Variants in GLI3 observed in about 807,000 individuals in gnomAD.
The protein encoded by GLI3 is GLI family zinc finger 3.
GLI3 carries 20 observed loss-of-function variants against 100.8 expected under a neutral mutation model. That is an observed-to-expected ratio of 0.20 (90% CI 0.14 to 0.29). The LOEUF (loss-of-function observed/expected upper bound fraction) is 0.29, where lower values mean the gene tolerates loss of function less well. GLI3 is among the 10% of genes least tolerant of loss of function. The pLI is 1.00. For synonymous variants in GLI3, 938 were observed against 860.5 expected (o/e 1.09, Z -1.58); for missense variants, 2,040 against 2,128.5 (o/e 0.96, Z 0.82).
chr7:42,105,289 TTC>T (rs1462825119), intron 3 of GLI3, among the ~76,000 whole-genome samples: 6 of 152,322 alleles, frequency 3.9e-5, no homozygotes, highest in Admixed American at 2.6e-4. Flanking sequence ...TTCTTTTTTT[TTC>T]TGTTTCATAA....
rs570871732 is a variant in GLI3, at chr7:41,971,397, G to T, written c.2103+940C>A. On this transcript the variant is annotated intron_variant, in intron 13 of 14. Coordinates refer to ENST00000395925, the MANE Select transcript of GLI3 (RefSeq NM_000168.6). The stretch of plus-strand genomic sequence containing the variant: ...ATTTGCACAATTAAATCCATTCTAC[G>T]CATGGCCAGATGGGCTGAATCTCCT... 6.6e-5 allele frequency among the ~76,000 whole-genome samples: 10 copies of T among 152,168 alleles called. No individual in the cohort carries two copies. In the East Asian group the frequency reaches 1.9e-3, roughly 29 times the overall value.
chr7:42,014,157 G>T (rs1788693524), intron 10 of GLI3, among the ~76,000 whole-genome samples: 1 of 152,136 alleles, frequency 6.6e-6, no homozygotes, highest in Non-Finnish European at 1.5e-5. Context: ...GCAAGGCTCA[G>T]CCCCATCTTT....
upstream of GLI3, among the ~76,000 whole-genome samples, chr7:42,237,260 C>G (rs1298867378): frequency 2.6e-5 from 4 of 151,808 alleles, no homozygotes; most frequent in African/African-American, 7.2e-5. Context: ...GCTCGTGCAG[C>G]TCCGGCATCA....
chr7:42,200,868 C>T (rs905774546), intron 2 of GLI3, among the ~76,000 whole-genome samples: 3 of 152,012 alleles, frequency 2.0e-5, no homozygotes, highest in African/African-American at 7.2e-5. Flanking sequence ...AAACACAGGA[C>T]AGACTGAAAT....
upstream of GLI3, among the ~76,000 whole-genome samples, chr7:42,240,768 C>G (rs1788916474): frequency 6.6e-6 from 1 of 152,166 alleles, no homozygotes; most frequent in South Asian, 2.1e-4. Flanking sequence ...ACATTTTCTT[C>G]TGGGGGACAT....
In GLI3 at chr7:42,251,953, A is replaced by G. The variant is rs531893864; in HGVS notation, c.-43+12041T>C. On this transcript the variant is annotated intron_variant, in intron 1 of 2. Coordinates refer to the GLI3 transcript ENST00000678978. ...ATCAAAAAATGAACACACTCTGACA[A>G]TTCCTCAAAGAACTGAAAACGGAAC... 5.8e-4 allele frequency among the ~76,000 whole-genome samples: 89 copies of G among 152,220 alleles called. 1 individual carries two copies. Among genetic ancestry groups the G allele is most frequent in the Admixed American group, 4.7e-3 (72 of 15,294 alleles).
chr7:42,104,097 C>G (rs1229543554), intron 3 of GLI3, among the ~76,000 whole-genome samples: 1 of 152,060 alleles, frequency 6.6e-6, no homozygotes, highest in Non-Finnish European at 1.5e-5. Context: ...AGCATACTTA[C>G]GGTCTCCACT....
At position 42,029,188 on chromosome 7, in the gene GLI3, T is replaced by A. The variant is rs1039218422; in HGVS notation, c.1029-2776A>T. On this transcript the variant is annotated intron_variant, in intron 7 of 14. Transcript: ENST00000395925. The stretch of plus-strand genomic sequence containing the variant: ...ACAGCTTGTCTGGACCCAGAAGGGC[T>A]GGCCCTCGACCTTCTGCTGCTGCTC... 1.3e-5 allele frequency among the ~76,000 whole-genome samples: 2 copies of A among 152,238 alleles called. 1 individual carries two copies. Among genetic ancestry groups the A allele is most frequent in the South Asian group, 4.1e-4 (2 of 4,834 alleles).
intron 3 of GLI3, among the ~76,000 whole-genome samples, chr7:42,144,862 T>G (rs1385123077): frequency 2.6e-5 from 4 of 151,064 alleles, no homozygotes. Flanking sequence ...ATTAGAGGAG[T>G]CTTTTCTTTT....
At chr7:42,116,980 G>T (rs1785875598) in intron 3 of GLI3, among the ~76,000 whole-genome samples, 1 of 152,150 alleles carries the variant, frequency 6.6e-6, no homozygotes, top group South Asian at 2.1e-4. Flanking sequence ...TATCACTTGT[G>T]AACTAAACAG....
chr7:42,010,867 G>C (rs1484959466), intron 10 of GLI3, among the ~76,000 whole-genome samples: 1 of 152,130 alleles, frequency 6.6e-6, no homozygotes, highest in Non-Finnish European at 1.5e-5. Flanking sequence ...CCTCCTTGTA[G>C]TTGGTTAGGT....
intron 3 of GLI3, among the ~76,000 whole-genome samples, chr7:42,135,229 A>G (rs2128779594): frequency 6.6e-6 from 1 of 152,338 alleles, no homozygotes; most frequent in South Asian, 2.1e-4. Context: ...ATGTTGGGGA[A>G]CCAGTAAAAA....
chr7:42,055,520 G>T (rs991320727), intron 4 of GLI3, among the ~76,000 whole-genome samples: 1 of 152,098 alleles, frequency 6.6e-6, no homozygotes, highest in African/African-American at 2.4e-5. Flanking sequence ...GCTCCCCCAA[G>T]GCCACTGTTC....
chr7:42,234,820 G>A (rs1406425170), intron 1 of GLI3, among the ~76,000 whole-genome samples: 4 of 152,132 alleles, frequency 2.6e-5, no homozygotes, highest in African/African-American at 7.2e-5. Context: ...CCCCTTAGGC[G>A]GGGAGTTTCT....
intron 2 of GLI3, among the ~76,000 whole-genome samples, chr7:42,186,894 A>G (rs971152830): frequency 6.6e-6 from 1 of 152,202 alleles, no homozygotes; most frequent in African/African-American, 2.4e-5. Flanking sequence ...CATCTAGAAT[A>G]AACCTGACAA....
intron 10 of GLI3, among the ~76,000 whole-genome samples, chr7:42,014,193 T>C (rs1788694584): frequency 6.6e-6 from 1 of 152,112 alleles, no homozygotes; most frequent in Admixed American, 6.5e-5. Context: ...GCTCAAGCCA[T>C]TCCTCTCATC....
chr7:42,020,564 A>G (rs1788907364), intron 10 of GLI3, among the ~76,000 whole-genome samples: 1 of 152,220 alleles, frequency 6.6e-6, no homozygotes, highest in South Asian at 2.1e-4. Context: ...GAGCATCAGA[A>G]TGGTTTAACA....
rs2286291 is a variant in GLI3, at chr7:42,223,069, G to T, written c.124+61C>A. 0.056 allele frequency: 89,539 copies of T among 1,596,138 alleles called. 2,693 individuals are homozygous for T. The highest frequency in any genetic ancestry group is 0.063 in the Non-Finnish European group (73,684 of 1,165,376). Reference sequence around the variant, plus strand: ...CAGGTGCAAACGCTCAATTCACAAGGAATGCAGAGAACACAGAAATGACTC... The same window carrying T: ...CAGGTGCAAACGCTCAATTCACAAGTAATGCAGAGAACACAGAAATGACTC... On this transcript the variant is annotated intron_variant, in intron 2 of 14. Coordinates refer to ENST00000395925, the MANE Select transcript of GLI3 (RefSeq NM_000168.6).
chr7:42,240,900 C>T (rs929414), upstream of GLI3, among the ~76,000 whole-genome samples: 2 of 151,954 alleles, frequency 1.3e-5, no homozygotes, highest in African/African-American at 4.8e-5. Context: ...TACCATGGGC[C>T]GATGTTATAC....
Sources: gnomAD v4.1 joint callset for allele counts (sites outside exome capture counted in the v4.1 genomes callset) on GRCh38, gnomAD v4.1.1 for gene constraint, MANE v1.5 for transcripts, NCBI Gene and HGNC (gene_info 2026-07-23, HGNC 2026-07-21) for gene names.